KIAA0825: variants seen among roughly 807,000 people sequenced by gnomAD.
KIAA0825 encodes KIAA0825.
A neutral mutation model predicts 147.6 loss-of-function variants in KIAA0825; 119 were observed. The ratio of observed to expected loss-of-function variants is 0.81; its 90% confidence interval spans 0.69 to 0.94. The LOEUF (loss-of-function observed/expected upper bound fraction) is 0.94. KIAA0825 is among the 40% of genes least tolerant of loss of function. The probability of loss-of-function intolerance (pLI) is 0.00; values close to 1 mark genes in which losing one functional copy is unlikely to be tolerated. For missense variants in KIAA0825, 1,381 were observed against 1,472.7 expected (o/e 0.94, Z 1.02); for synonymous variants, 470 against 518.1 (o/e 0.91, Z 1.26).
At chr5:94,284,003 A>C (rs541742843) in intron 20 of KIAA0825, among the ~76,000 whole-genome samples, 1 of 152,300 alleles carries the variant, frequency 6.6e-6, no homozygotes, top group East Asian at 1.9e-4. Context: ...TGTCAAATGC[A>C]AAGTTTGCTG....
intron 17 of KIAA0825, among the ~76,000 whole-genome samples, chr5:94,393,684 C>A (rs145862352): frequency 1.0e-3 from 156 of 152,026 alleles, no homozygotes; most frequent in Middle Eastern, 0.01. Flanking sequence ...ATGGTAGAAC[C>A]AAGGCAACCC....
At position 94,152,393 on chromosome 5, in the gene KIAA0825, T is replaced by A. The variant is rs1489881536; in HGVS notation, c.*1614A>T. ...TCATATGGTCTAAAATAGCCCATGA[T>A]GTAAGGCTTCTGGGCCTGGTGTGGT... On this transcript the variant is annotated 3_prime_UTR_variant, in exon 21 of 21. Transcript: ENST00000682413. 6.6e-6 allele frequency among the ~76,000 whole-genome samples: 1 copy of A among 152,178 alleles called. No homozygotes were observed.
intron 13 of KIAA0825, 70 bp downstream of exon 13, chr5:94,452,889 A>C: frequency 1.2e-6 from 1 of 825,650 alleles, no homozygotes; most frequent in Non-Finnish European, 1.8e-6. Context: ...ACATCCATTG[A>C]TAAAAATTTC....
At chr5:94,365,133 G>A (rs1745656970) in intron 20 of KIAA0825, among the ~76,000 whole-genome samples, 1 of 152,166 alleles carries the variant, frequency 6.6e-6, no homozygotes, top group South Asian at 2.1e-4. Flanking sequence ...CCTCAAGCCT[G>A]TCTGTAAATC....
Position 94,523,968 on chromosome 5 carries a change from T to C in KIAA0825, c.262A>G (p.Ile88Val), listed in dbSNP as rs753836652. The change falls in exon 4 of 21, where the codon ATT (isoleucine) becomes GTT (valine). Residue 88 changes from isoleucine to valine, a missense_variant. Physicochemically the swap from Ile to Val is conservative, Grantham distance 29. Transcript: ENST00000682413. ...YNYSTSESSFISHGDLIKFFK... is the reference protein window; with the variant it reads ...YNYSTSESSFVSHGDLIKFFK... ...AATTTTATCAAGTCTCCATGAGAAA[T>C]GAAAGATGATTCAGATGTACTGTAA... The C allele has an allele frequency of 1.8e-5, 29 of 1,602,448 alleles. No homozygotes were observed. The Admixed American group carries it at 4.8e-4, about 27-fold the overall frequency.
chr5:94,159,651 T>A (rs764524221), intron 20 of KIAA0825, among the ~76,000 whole-genome samples: 1 of 152,186 alleles, frequency 6.6e-6, no homozygotes, highest in Non-Finnish European at 1.5e-5. Context: ...CCTCTTGTTT[T>A]TCATGAGGGA....
intron 12 of KIAA0825, among the ~76,000 whole-genome samples, chr5:94,461,321 T>C (rs1348650994): frequency 6.6e-6 from 1 of 151,948 alleles, no homozygotes; most frequent in Non-Finnish European, 1.5e-5. Flanking sequence ...TCCTCTTAGA[T>C]GAAATGACCC....
At chr5:94,380,830 G>C (rs2150508879) in intron 20 of KIAA0825, among the ~76,000 whole-genome samples, 2 of 152,326 alleles carry the variant, frequency 1.3e-5, no homozygotes, top group Middle Eastern at 6.8e-3. Context: ...GAGATGTTTT[G>C]AGATGAGGCC....
At chr5:94,191,409 A>T (rs186087971) in intron 20 of KIAA0825, among the ~76,000 whole-genome samples, 2 of 152,316 alleles carry the variant, frequency 1.3e-5, no homozygotes, top group Non-Finnish European at 2.9e-5. Flanking sequence ...ACAATTCATC[A>T]TGCAGAAAAT....
chr5:94,553,062 C>T (rs1028296004), intron 2 of KIAA0825, among the ~76,000 whole-genome samples: 6 of 152,110 alleles, frequency 3.9e-5, no homozygotes, highest in African/African-American at 1.2e-4. Context: ...GATGATGGAT[C>T]GACTAATTAC....
At chr5:94,269,111 A>G (rs191439267) in intron 20 of KIAA0825, among the ~76,000 whole-genome samples, 9 of 152,294 alleles carry the variant, frequency 5.9e-5, no homozygotes, top group Admixed American at 1.3e-4. Context: ...GAACTAGACT[A>G]TGGTTCCCCT....
chr5:94,483,676 T>C (rs79177402), intron 6 of KIAA0825, among the ~76,000 whole-genome samples: 3,456 of 151,850 alleles, frequency 0.023, 57 homozygotes, highest in East Asian at 0.068. Context: ...GTAATCTATG[T>C]TATTTATTTT....
intron 3 of KIAA0825, among the ~76,000 whole-genome samples, chr5:94,525,139 T>C (rs887002630): frequency 6.6e-6 from 1 of 151,828 alleles, no homozygotes; most frequent in African/African-American, 2.4e-5. Flanking sequence ...CAGCTATGCA[T>C]TTGTCTCTTA....
At chr5:94,194,505 T>A (rs1004578998) in intron 20 of KIAA0825, among the ~76,000 whole-genome samples, 4 of 152,204 alleles carry the variant, frequency 2.6e-5, no homozygotes, top group African/African-American at 9.6e-5. Context: ...CTCAGCCATC[T>A]TCTTGTCACT....
At chr5:94,328,557 A>C (rs1357751392) in intron 20 of KIAA0825, among the ~76,000 whole-genome samples, 3 of 152,090 alleles carry the variant, frequency 2.0e-5, no homozygotes, top group South Asian at 4.1e-4. Context: ...AGCATGTACT[A>C]CTTTTAAAAA....
intron 20 of KIAA0825, among the ~76,000 whole-genome samples, chr5:94,171,882 G>A (rs1768647895): frequency 6.6e-6 from 1 of 152,072 alleles, no homozygotes; most frequent in African/African-American, 2.4e-5. Context: ...AAGATACTGA[G>A]AGAGTGCAGA....
intron 7 of KIAA0825, among the ~76,000 whole-genome samples, chr5:94,474,138 G>A (rs1761556573): frequency 6.6e-6 from 1 of 152,120 alleles, no homozygotes; most frequent in Admixed American, 6.5e-5. Flanking sequence ...CAAGAATGAA[G>A]AATTAAAAGA....
At chr5:94,306,104 C>G (rs935723424) in intron 20 of KIAA0825, among the ~76,000 whole-genome samples, 1 of 151,288 alleles carries the variant, frequency 6.6e-6, no homozygotes, top group African/African-American at 2.4e-5. Context: ...AACAAAATAG[C>G]GATATATATA....
intron 20 of KIAA0825, among the ~76,000 whole-genome samples, chr5:94,192,471 A>G (rs951327178): frequency 1.3e-5 from 2 of 152,182 alleles, no homozygotes; most frequent in Non-Finnish European, 2.9e-5. Context: ...GAAATATACT[A>G]TATATGTTTT....
Sources: allele counts gnomAD v4.1 joint callset (sites outside exome capture counted in the v4.1 genomes callset), GRCh38; gene constraint gnomAD v4.1.1; transcripts MANE v1.5; gene names NCBI Gene and HGNC (gene_info 2026-07-23, HGNC 2026-07-21).